The following TMEM59 variants were observed in gnomAD, a reference collection of about 807,000 sequenced individuals.
The protein encoded by TMEM59 is transmembrane protein 59.
In TMEM59, 44 loss-of-function variants were observed where a neutral mutation model predicts 42.2. The ratio of observed to expected loss-of-function variants is 1.04; its 90% CI spans 0.82 to 1.34. TMEM59 has a LOEUF of 1.34. Among genes scored for constraint, TMEM59 ranks in the 40% most tolerant of loss-of-function variants. The pLI, the probability that TMEM59 is intolerant of heterozygous loss-of-function variation, is 0.00. For missense variants in TMEM59, 359 were observed against 382.8 expected, an observed-to-expected ratio of 0.94 and a Z score of 0.52; for synonymous variants, 148 against 145.8, an observed-to-expected ratio of 1.02 and a Z score of -0.11.
chr1:54,043,988 C>G (rs1657235983), intron 3 of TMEM59: 1 of 152,094 alleles, frequency 6.6e-6, no homozygotes, highest in South Asian at 2.1e-4. Flanking sequence ...TGGTAGACAT[C>G]TGACAACACG....
chr1:54,050,144 G>C (rs1197762970), intron 1 of TMEM59, among the ~76,000 whole-genome samples: 2 of 143,386 alleles, frequency 1.4e-5, no homozygotes, highest in Admixed American at 1.4e-4. Flanking sequence ...TTCTTTTTTT[G>C]AGATGCAGTC....
intron 2 of TMEM59, 31 bp downstream of exon 2, chr1:54,047,236 T>C (rs2100329377): frequency 6.4e-7 from 1 of 1,551,192 alleles, no homozygotes; most frequent in East Asian, 2.3e-5. Context: ...CAATGTTACA[T>C]ACAGCTGATG....
rs1656686747 is a variant in TMEM59, at chr1:54,029,030, T to C, written c.*3120A>G. 2 of 152,222 alleles carry C rather than the reference T, an allele frequency of 1.3e-5. No individual in the cohort carries two copies. The highest frequency in any genetic ancestry group is 4.8e-5 in the African/African-American group (2 of 41,452). The allele number at this position is 152,222 out of a possible 1,614,324, so 9.4% of individuals were successfully genotyped here. ...CACAAAAATTATAATGGAACTACTG[T>C]ATATCTTTAAAAAACTTGTAACAAA... On this transcript the variant is annotated 3_prime_UTR_variant, in exon 8 of 8. Coordinates refer to ENST00000234831, the MANE Select transcript of TMEM59 (RefSeq NM_004872.5).
At position 54,028,815 on chromosome 1, in the gene TMEM59, G is replaced by C. The variant is rs1379189969; in HGVS notation, c.*3335C>G. On this transcript the variant is annotated 3_prime_UTR_variant, in exon 8 of 8. Coordinates refer to ENST00000234831, the MANE Select transcript of TMEM59 (RefSeq NM_004872.5). The stretch of plus-strand genomic sequence containing the variant: ...TCAGAGTCTCAGCAATTGGGGTCAG[G>C]CACTGGGTCTTACTGTGGTCCTAGC... 3 of 152,152 alleles carry C rather than the reference G, an allele frequency of 2.0e-5. No homozygotes were observed. The highest frequency in any genetic ancestry group is 1.3e-4 in the Admixed American group (2 of 15,262). 9.4% of individuals were successfully genotyped at this position (152,152 alleles called of 1,614,324 possible).
chr1:54,044,533 G>C (rs934830478), intron 3 of TMEM59: 1 of 131,858 alleles, frequency 7.6e-6, no homozygotes, highest in Non-Finnish European at 1.6e-5. Context: ...TTTTGAGACA[G>C]TGTCTCGCTC....
Position 54,053,055 on chromosome 1 carries a change from G to A in TMEM59, c.134C>T (p.Thr45Met). The A allele has an allele frequency of 2.5e-6, 4 of 1,614,150 alleles. No individual in the cohort carries two copies. Among genetic ancestry groups the A allele is most frequent in the Non-Finnish European group, 2.5e-6 (3 of 1,180,024 alleles). Reference sequence around the variant, plus strand: ...CTGACAGGCCCGGTGGCAAGACGCCGTATCACCCAAGACCGAGTCAAATGC... The same window carrying A: ...CTGACAGGCCCGGTGGCAAGACGCCATATCACCCAAGACCGAGTCAAATGC... ...AEAFDSVLGD[T>M]ASCHRACQLT... The change falls in exon 1 of 8, where the codon ACG (threonine) becomes ATG (methionine). Residue 45 changes from threonine to methionine, a missense_variant. Coordinates refer to ENST00000234831, the MANE Select transcript of TMEM59 (RefSeq NM_004872.5).
chr1:54,042,051 G>T (rs377596609), intron 4 of TMEM59, among the ~76,000 whole-genome samples: 4,057 of 143,138 alleles, frequency 0.028, 122 homozygotes, highest in African/African-American at 0.075. Flanking sequence ...ACAACGTTTT[G>T]TTTTGTTTTT....
chr1:54,038,358 T>G (rs1185767050), intron 6 of TMEM59, among the ~76,000 whole-genome samples: 1 of 152,206 alleles, frequency 6.6e-6, no homozygotes, highest in Non-Finnish European at 1.5e-5. Flanking sequence ...AAACCTCCAG[T>G]AGACTTAAAT....
intron 5 of TMEM59, 60 bp from the exon 6 acceptor site, chr1:54,040,897 G>T: frequency 4.5e-6 from 6 of 1,329,482 alleles, no homozygotes; most frequent in South Asian, 3.5e-5. Flanking sequence ...AGTCTCACAT[G>T]ACTACTTCTA....
In TMEM59 at chr1:54,030,206, C is replaced by G. The variant is rs1486889722; in HGVS notation, c.*1944G>C. 1 of 151,628 alleles carries G rather than the reference C, an allele frequency of 6.6e-6. No individual in the cohort carries two copies. Among genetic ancestry groups the G allele is most frequent in the Non-Finnish European group, 1.5e-5 (1 of 67,948 alleles). 9.4% of individuals were successfully genotyped at this position (151,628 alleles called of 1,614,324 possible). On this transcript the variant is annotated 3_prime_UTR_variant, in exon 8 of 8. Transcript: ENST00000234831. Reference sequence around the variant, plus strand: ...CAGGATGGTGTTGAACTCCTGGCCCCAAGTGATCTAGATAATTCTTTGTTT... The same window carrying G: ...CAGGATGGTGTTGAACTCCTGGCCCGAAGTGATCTAGATAATTCTTTGTTT...
In TMEM59 at chr1:54,026,857, A is replaced by G. The variant is rs1232224241; in HGVS notation, c.*5293T>C. The G allele has an allele frequency of 2.0e-5, 3 of 152,202 alleles. No individual in the cohort carries two copies. The highest frequency in any genetic ancestry group is 2.9e-5 in the Non-Finnish European group (2 of 68,034). 9.4% of individuals were successfully genotyped at this position (152,202 alleles called of 1,614,324 possible). ...ATCAGGTGCTGATTTTTTTCCACCC[A>G]AGTCTTCAATTATTACTGTTCTAAC... On this transcript the variant is annotated 3_prime_UTR_variant, in exon 8 of 8. Transcript: ENST00000234831.
At chr1:54,042,006 G>A (rs1056612252) in intron 4 of TMEM59, among the ~76,000 whole-genome samples, 13 of 150,044 alleles carry the variant, frequency 8.7e-5, no homozygotes, top group Non-Finnish European at 5.9e-5. Flanking sequence ...CAAAGAAACA[G>A]ATTTCTGGCA....
chr1:54,053,238 G>T (rs1264176053), upstream of TMEM59: 1 of 1,598,276 alleles, frequency 6.3e-7, no homozygotes, highest in South Asian at 1.1e-5. Flanking sequence ...TTTCTCGGAA[G>T]GGTTTCCTCC....
chr1:54,041,901 T>A, intron 4 of TMEM59, 96 bp from the exon 5 acceptor site: 1 of 915,178 alleles, frequency 1.1e-6, no homozygotes, highest in Non-Finnish European at 1.7e-6. Context: ...ACATTTAAAT[T>A]GAGAAAAAGT....
At chr1:54,050,965 C>G (rs533314893) in intron 1 of TMEM59, among the ~76,000 whole-genome samples, 41 of 152,066 alleles carry the variant, frequency 2.7e-4, no homozygotes, top group Middle Eastern at 6.8e-3. Flanking sequence ...CTCAAGCAAG[C>G]CTCCCACCGA....
intron 7 of TMEM59, among the ~76,000 whole-genome samples, chr1:54,035,475 A>C (rs1656912171): frequency 6.6e-6 from 1 of 152,192 alleles, no homozygotes; most frequent in African/African-American, 2.4e-5. Context: ...CCTTTCCCCC[A>C]AACAAAAATC....
chr1:54,037,035 C>T (rs189778336), intron 6 of TMEM59, among the ~76,000 whole-genome samples: 1 of 152,214 alleles, frequency 6.6e-6, no homozygotes, highest in East Asian at 1.9e-4. Context: ...GTAAATTGTA[C>T]ACTGTTGTAC....
intron 3 of TMEM59, 153 bp from the exon 4 acceptor site, chr1:54,043,678 G>A (rs894983727): frequency 2.5e-6 from 1 of 402,870 alleles, no homozygotes; most frequent in Non-Finnish European, 3.8e-6. Context: ...TAAACTCTTA[G>A]TTATCTATGC....
intron 6 of TMEM59, among the ~76,000 whole-genome samples, chr1:54,039,745 T>C (rs1657075991): frequency 6.6e-6 from 1 of 152,206 alleles, no homozygotes; most frequent in African/African-American, 2.4e-5. Context: ...ACTGAAATGC[T>C]TGACCTGGTA....
Sources: gnomAD v4.1 joint callset for allele counts (sites outside exome capture counted in the v4.1 genomes callset) on GRCh38, gnomAD v4.1.1 for gene constraint, MANE v1.5 for transcripts, NCBI Gene and HGNC (gene_info 2026-07-23, HGNC 2026-07-21) for gene names.